The following HCN2 variants were observed in gnomAD, a reference collection of about 807,000 sequenced individuals.
HCN2 encodes the protein potassium/sodium hyperpolarization-activated cyclic nucleotide-gated channel 2.
A neutral mutation model predicts 52.3 loss-of-function variants in HCN2; 20 were observed. The observed-to-expected ratio is 0.38, with a 90% CI of 0.27 to 0.56. The LOEUF is 0.56. Among genes scored for constraint, HCN2 ranks in the 20% least tolerant of loss-of-function variants. The pLI, the probability that HCN2 is intolerant of heterozygous loss-of-function variation, is 0.71. For missense variants in HCN2, 981 were observed against 1,207.7 expected, an observed-to-expected ratio of 0.81 and a Z score of 2.78; for synonymous variants, 694 against 537.0, an observed-to-expected ratio of 1.29 and a Z score of -4.04.
At position 616,886 on chromosome 19, in the gene HCN2, C is replaced by A; in HGVS notation, c.*412C>A. 4.0e-6 allele frequency: 1 copy of A among 246,938 alleles called. No homozygotes were observed. Among genetic ancestry groups the A allele is most frequent in the Non-Finnish European group, 7.8e-6 (1 of 127,686 alleles). The allele number at this position is 246,938 out of a possible 1,614,324, so 15.3% of individuals were successfully genotyped here. On this transcript the variant is annotated 3_prime_UTR_variant, in exon 8 of 8. Transcript: ENST00000251287. ...CTAAGTGCAATACTTGGCCCGCCGG[C>A]TTCCCGCTGCCCCCATCGCGCTCAC...
chr19:607,887 G>T, intron 3 of HCN2, 77 bp from the exon 4 acceptor site: 1 of 1,106,960 alleles, frequency 9.0e-7, no homozygotes, highest in Non-Finnish European at 1.3e-6. Context: ...CAGAGGGTGG[G>T]CGCTGGGCCC....
rs1339515046 is a variant in HCN2, at chr19:591,006, C to T, written c.632+429C>T. 1.3e-5 allele frequency: 2 copies of T among 152,390 alleles called. No individual in the cohort carries two copies. Among genetic ancestry groups the T allele is most frequent in the South Asian group, 2.1e-4 (1 of 4,830 alleles). The allele number at this position is 152,390 out of a possible 1,614,324, so 9.4% of individuals were successfully genotyped here. ...GGGGGAGAGGGGGTTAAGCGGCTCC[C>T]ACGGCGTCCACCCGCGCCCCGCCTG... On this transcript the variant is annotated intron_variant, in intron 1 of 7. Transcript: ENST00000251287. The surrounding 1 kb of genome is among the most constrained non-coding windows in gnomAD (Gnocchi z 4.1).
intron 1 of HCN2, among the ~76,000 whole-genome samples, chr19:598,799 G>A (rs1359315820): frequency 2.1e-5 from 3 of 143,856 alleles, no homozygotes; most frequent in Non-Finnish European, 4.4e-5. Context: ...TAGTAGAGAC[G>A]GGGTTTCACC....
Position 616,303 on chromosome 19 carries a change from C to A in HCN2, c.2499C>A (p.Gly833=), listed in dbSNP as rs1318037132. The change falls in exon 8 of 8, where the codon GGC becomes GGA. Residue 833 remains glycine (G), a synonymous_variant. Transcript: ENST00000251287. ...SQPSLPHGAP[G]PAASTRPASS... is the part of the protein sequence containing the mutation. ...CCTCGCTGCCTCACGGCGCCCCCGG[C>A]CCCGCGGCCTCCACACGCCCGGCCA... The A allele has an allele frequency of 7.2e-6, 8 of 1,106,228 alleles. No individual in the cohort carries two copies. Among genetic ancestry groups the A allele is most frequent in the South Asian group, 3.0e-5 (1 of 33,770 alleles). The allele number at this position is 1,106,228 out of a possible 1,614,324, so 68.5% of individuals were successfully genotyped here.
At chr19:598,936 C>T (rs571035921) in intron 1 of HCN2, among the ~76,000 whole-genome samples, 1 of 152,156 alleles carries the variant, frequency 6.6e-6, no homozygotes, top group African/African-American at 2.4e-5. Flanking sequence ...GGTTTTATCC[C>T]CAGCCTGGGT....
At chr19:612,726 C>T (rs1217695265) in intron 5 of HCN2, among the ~76,000 whole-genome samples, 2 of 139,138 alleles carry the variant, frequency 1.4e-5, no homozygotes, top group African/African-American at 5.6e-5. Context: ...TATTTTTCCC[C>T]CATTTTCTTT....
intron 5 of HCN2, among the ~76,000 whole-genome samples, chr19:612,704 C>T (rs919449604): frequency 3.3e-5 from 5 of 151,478 alleles, no homozygotes; most frequent in African/African-American, 9.7e-5. Flanking sequence ...TGTGAGCCAC[C>T]ACGCCCGGCC....
chr19:615,719 T>A lies in HCN2; in HGVS notation c.1991-76T>A, dbSNP rs1983872261. The stretch of plus-strand genomic sequence containing the variant: ...GCAAGCACTGTGTGCGCACCCGCGG[T>A]GCAGAGTAGGTGCTCGGTGCCCGCT... On this transcript the variant is annotated intron_variant, in intron 7 of 7. Coordinates refer to ENST00000251287, the MANE Select transcript of HCN2 (RefSeq NM_001194.4). The A allele has an allele frequency of 2.0e-6, 3 of 1,467,710 alleles. No homozygotes were observed. In the South Asian group the frequency reaches 3.4e-5, roughly 17 times the overall value. The allele number at this position is 1,467,710 out of a possible 1,614,324, so 90.9% of individuals were successfully genotyped here. A position where few individuals can be genotyped will look rare whatever the true frequency, so the allele number is the denominator to read the frequency against.
chr19:595,714 C>T (rs895509524), intron 1 of HCN2, among the ~76,000 whole-genome samples: 1 of 151,788 alleles, frequency 6.6e-6, no homozygotes, highest in Non-Finnish European at 1.5e-5. Flanking sequence ...CCGTCGGGAT[C>T]ACCCGGGAAC....
In HCN2 at chr19:603,754, G is replaced by A. The variant is rs776451322; in HGVS notation, c.843G>A (p.Lys281=). Reference sequence around the variant, plus strand: ...CGGAGATCATCCTGGACCCCGAGAAGATCAAGAAGAAGTATCTGCGCACGT... The same window carrying A: ...CGGAGATCATCCTGGACCCCGAGAAAATCAAGAAGAAGTATCTGCGCACGT... The part of the protein sequence containing the change: ...DNTEIILDPE[K]IKKKYLRTWF... Residue 281 remains lysine, a synonymous_variant, in exon 2 of 8, where the codon AAG becomes AAA. Coordinates refer to ENST00000251287, the MANE Select transcript of HCN2 (RefSeq NM_001194.4). 3 of 1,612,952 alleles carry A rather than the reference G, an allele frequency of 1.9e-6. No individual in the cohort carries two copies. Among genetic ancestry groups the A allele is most frequent in the South Asian group, 2.2e-5 (2 of 91,076 alleles).
At chr19:599,687 G>T (rs11085136) in intron 1 of HCN2, among the ~76,000 whole-genome samples, 88 of 151,596 alleles carry the variant, frequency 5.8e-4, no homozygotes, top group Non-Finnish European at 4.0e-4. Context: ...ACTCGGGAGG[G>T]TGAGGCAAGA....
intron 1 of HCN2, among the ~76,000 whole-genome samples, chr19:598,996 G>A (rs888814305): frequency 8.5e-5 from 13 of 152,186 alleles, no homozygotes; most frequent in Admixed American, 2.6e-4. Context: ...TCCCGAGGCG[G>A]TGGATGCTTG....
intron 3 of HCN2, among the ~76,000 whole-genome samples, chr19:606,938 G>A (rs560363452): frequency 2.1e-5 from 2 of 96,900 alleles, no homozygotes; most frequent in East Asian, 4.6e-4. Context: ...TTGGGAGGCC[G>A]AGGTGGGGCT....
rs984860423 is a variant in HCN2, at chr19:607,158, C to T, written c.1219-806C>T. On this transcript the variant is annotated intron_variant, in intron 3 of 7. Coordinates refer to ENST00000251287, the MANE Select transcript of HCN2 (RefSeq NM_001194.4). ...TGCACTCCAGCCTGGGCGACAAGAG[C>T]GAAACTCCGTCAAAAAAGAAGGAAT... Among the ~76,000 whole-genome samples, 4 of 152,312 alleles carry T rather than the reference C, an allele frequency of 2.6e-5. No individual in the cohort carries two copies. The East Asian group carries it at 5.8e-4, about 22-fold the overall frequency.
chr19:615,063 A>G (rs770494808), intron 7 of HCN2, among the ~76,000 whole-genome samples: 21 of 152,268 alleles, frequency 1.4e-4, no homozygotes, highest in Non-Finnish European at 2.8e-4. Context: ...TTCTGTATAC[A>G]GCAGGTGCTC....
intron 2 of HCN2, 138 bp from the exon 3 acceptor site, chr19:604,923 G>A: frequency 1.1e-6 from 1 of 896,652 alleles, no homozygotes; most frequent in Non-Finnish European, 1.6e-6. Context: ...CTGCAGGGTG[G>A]GGCGGGGGTC....
intron 1 of HCN2, among the ~76,000 whole-genome samples, chr19:596,716 G>A (rs1008166612): frequency 1.3e-5 from 2 of 152,334 alleles, no homozygotes; most frequent in African/African-American, 4.8e-5. Flanking sequence ...GCCGGATGGG[G>A]AAAGGGCTGC....
chr19:593,319 T>C (rs11883347), intron 1 of HCN2, among the ~76,000 whole-genome samples: 48,124 of 152,080 alleles, frequency 0.32, 9,479 homozygotes, highest in African/African-American at 0.56. Context: ...CTGGCCCCTT[T>C]GGAAGTGCAG....
rs1020717308 is a variant in HCN2 at position 616,202 on chromosome 19, G to A, written c.2398G>A (p.Ala800Thr). 2.2e-5 allele frequency: 21 copies of A among 969,608 alleles called. No homozygotes were observed. Among genetic ancestry groups the A allele is most frequent in the Middle Eastern group, 1.0e-3 (2 of 1,938 alleles). 60.1% of individuals were successfully genotyped at this position (969,608 alleles called of 1,614,324 possible). A position where few individuals can be genotyped will look rare whatever the true frequency, so the allele number is the denominator to read the frequency against. ...GACCTCGCCCTACGGCGGCCTGCCCGCCGCCCCCCTTGCTGGGCCCGCCCT... is the reference window on the plus strand; with the variant it reads ...GACCTCGCCCTACGGCGGCCTGCCCACCGCCCCCCTTGCTGGGCCCGCCCT... Reference protein sequence around the residue: ...PRTSPYGGLPAAPLAGPALPA... With the variant: ...PRTSPYGGLPTAPLAGPALPA... Residue 800 changes from alanine (A) to threonine (T), a missense_variant, in exon 8 of 8, where the codon GCC (alanine) becomes ACC (threonine). Ala to Thr is a moderately conservative substitution (Grantham distance 58). Around this residue, in one of 6 missense-constraint regions of HCN2, gnomAD observed 368 missense variants for 314.8 expected, o/e 1.17. Transcript: ENST00000251287.
Sources: gnomAD v4.1 joint callset for allele counts (sites outside exome capture counted in the v4.1 genomes callset) on GRCh38, gnomAD v4.1.1 for gene constraint, gnomAD v4.1.1 regional missense constraint, Gnocchi (gnomAD v3.1) non-coding constraint, MANE v1.5 for transcripts, NCBI Gene and HGNC (gene_info 2026-07-23, HGNC 2026-07-21) for gene names.